Variants in ZNF423 observed in about 807,000 individuals in gnomAD.
ZNF423 encodes Ebf-associated zinc finger protein.
ZNF423 carries 12 observed loss-of-function variants against 95.8 expected under a neutral mutation model. The observed-to-expected ratio is 0.13, with a 90% CI of 0.08 to 0.20. The LOEUF (loss-of-function observed/expected upper bound fraction) is 0.20. Among genes scored for constraint, ZNF423 ranks in the 10% least tolerant of loss-of-function variants. ZNF423 has a pLI of 1.00. For synonymous variants in ZNF423, 749 were observed against 711.9 expected, an observed-to-expected ratio of 1.05 and a Z score of -0.83; for missense variants, 1,316 against 1,737.1, an observed-to-expected ratio of 0.76 and a Z score of 4.31.
chr16:49,669,341 GA>G (rs1050363822), intron 3 of ZNF423, among the ~76,000 whole-genome samples: 1 of 150,268 alleles, frequency 6.7e-6, no homozygotes, highest in Non-Finnish European at 1.5e-5. Context: ...AAAAAAAAAA[GA>G]AAAAGAAAAA....
chr16:49,538,960 C>G (rs1330706185), intron 5 of ZNF423, among the ~76,000 whole-genome samples: 1 of 152,216 alleles, frequency 6.6e-6, no homozygotes. Context: ...AATTCTTTCA[C>G]TTTTCTGGTA....
chr16:49,772,499 T>A (rs1233648604), intron 2 of ZNF423, among the ~76,000 whole-genome samples: 1 of 152,212 alleles, frequency 6.6e-6, no homozygotes, highest in Non-Finnish European at 1.5e-5. Context: ...GGTCCAAGCA[T>A]CCTTGGTGAA....
At chr16:49,846,129 C>T (rs1179715728) in intron 1 of ZNF423, among the ~76,000 whole-genome samples, 1 of 151,972 alleles carries the variant, frequency 6.6e-6, no homozygotes, top group Admixed American at 6.6e-5. Context: ...TGGTGAAACT[C>T]CATCTCTAAT....
intron 5 of ZNF423, among the ~76,000 whole-genome samples, chr16:49,581,616 TA>T (rs1490550515): frequency 6.6e-6 from 1 of 152,180 alleles, no homozygotes; most frequent in African/African-American, 2.4e-5. Context: ...AAATTGTAGT[TA>T]AAAATTTAGC....
At chr16:49,804,393 T>C (rs2034630012) in intron 1 of ZNF423, among the ~76,000 whole-genome samples, 2 of 152,262 alleles carry the variant, frequency 1.3e-5, no homozygotes, top group African/African-American at 4.8e-5. Flanking sequence ...AAAAGTAAAG[T>C]TCAGAAAAAA....
At chr16:49,858,814 T>A (rs2035400812), upstream of ZNF423, among the ~76,000 whole-genome samples, 1 of 150,012 alleles carries the variant, frequency 6.7e-6, no homozygotes, top group African/African-American at 2.5e-5. This position sits in a 1 kb window ranked among gnomAD's most constrained non-coding sequence, Gnocchi z 4.3. Flanking sequence ...GCGAGGCGCC[T>A]GGGAAGGAGC....
intron 3 of ZNF423, among the ~76,000 whole-genome samples, chr16:49,648,906 G>T (rs1973283878): frequency 6.6e-6 from 1 of 152,150 alleles, no homozygotes; most frequent in East Asian, 1.9e-4. Context: ...CTCAGCAAAA[G>T]ACAAAAGTAG....
intron 7 of ZNF423, among the ~76,000 whole-genome samples, chr16:49,520,701 C>T (rs1005075696): frequency 1.1e-4 from 16 of 152,338 alleles, no homozygotes; most frequent in Admixed American, 4.6e-4. Context: ...CACCCAAACC[C>T]CCAGCTCATT....
intron 5 of ZNF423, among the ~76,000 whole-genome samples, chr16:49,604,591 G>A (rs914363465): frequency 2.6e-5 from 4 of 152,112 alleles, no homozygotes; most frequent in Non-Finnish European, 5.9e-5. Flanking sequence ...ATCCATAAAA[G>A]GGGCATCCTG....
At chr16:49,644,099 G>A (rs1454101722) in intron 3 of ZNF423, among the ~76,000 whole-genome samples, 1 of 152,230 alleles carries the variant, frequency 6.6e-6, no homozygotes, top group African/African-American at 2.4e-5. Context: ...CAAGGTCAGA[G>A]ATGCTGGAGA....
Position 49,835,015 on chromosome 16 carries a change from G to T in ZNF423, c.40+20720C>A, listed in dbSNP as rs114262157. Reference sequence around the variant, plus strand: ...GGGGCCAGGGCTGAGCGGCAGAGGGGCTGCTGAGGCCTTGGGGGGAGTCTC... The same window carrying T: ...GGGGCCAGGGCTGAGCGGCAGAGGGTCTGCTGAGGCCTTGGGGGGAGTCTC... On this transcript the variant is annotated intron_variant, in intron 1 of 7. Coordinates refer to ENST00000563137, the MANE Select transcript of ZNF423 (RefSeq NM_001379286.1). 5.7e-3 allele frequency among the ~76,000 whole-genome samples: 865 copies of T among 152,152 alleles called. 7 individuals carry two copies. Among genetic ancestry groups the T allele is most frequent in the African/African-American group, 0.02 (835 of 41,478 alleles).
At chr16:49,822,595 A>T in intron 1 of ZNF423, 1 of 1,260,702 alleles carries the variant, frequency 7.9e-7, no homozygotes, top group Non-Finnish European at 1.1e-6. Context: ...CAAGAGAACT[A>T]AGCTCTAGTT....
At chr16:49,739,949 C>T (rs2143480989) in intron 2 of ZNF423, among the ~76,000 whole-genome samples, 1 of 152,124 alleles carries the variant, frequency 6.6e-6, no homozygotes, top group African/African-American at 2.4e-5. Flanking sequence ...ACCTCTGCCT[C>T]CCGGGTTCAA....
At chr16:49,697,924 C>T (rs2032033790) in intron 3 of ZNF423, among the ~76,000 whole-genome samples, 2 of 152,174 alleles carry the variant, frequency 1.3e-5, no homozygotes, top group South Asian at 2.1e-4. Flanking sequence ...GGAGGATACA[C>T]GGGGAGAGGC....
intron 3 of ZNF423, among the ~76,000 whole-genome samples, chr16:49,727,232 T>C (rs1222493501): frequency 2.0e-5 from 3 of 152,174 alleles, no homozygotes; most frequent in Non-Finnish European, 2.9e-5. Flanking sequence ...CAACAGCTCA[T>C]GGGCCCGGCA....
intron 1 of ZNF423, among the ~76,000 whole-genome samples, chr16:49,806,948 A>T (rs1597026951): frequency 6.7e-6 from 1 of 148,822 alleles, no homozygotes; most frequent in Admixed American, 6.8e-5. Context: ...AATCGCTTGA[A>T]CCCGGGAGGT....
At chr16:49,718,619 T>C (rs1451575760) in intron 3 of ZNF423, among the ~76,000 whole-genome samples, 1 of 152,200 alleles carries the variant, frequency 6.6e-6, no homozygotes, top group Non-Finnish European at 1.5e-5. Flanking sequence ...GGATGGCTTC[T>C]AAACCACAAA....
chr16:49,514,492 G>C (rs565439783), intron 7 of ZNF423, among the ~76,000 whole-genome samples: 2 of 152,136 alleles, frequency 1.3e-5, no homozygotes, highest in African/African-American at 4.8e-5. Flanking sequence ...ATGTTCTCAA[G>C]GGCTAGGAAG....
At chr16:49,794,494 G>A (rs11076499) in intron 1 of ZNF423, among the ~76,000 whole-genome samples, 82,918 of 151,964 alleles carry the variant, frequency 0.55, 22,671 homozygotes, top group Middle Eastern at 0.62. Context: ...TCAGCCATAC[G>A]GCCCCCCACA....
Sources: allele counts gnomAD v4.1 joint callset (sites outside exome capture counted in the v4.1 genomes callset), GRCh38; gene constraint gnomAD v4.1.1; non-coding constraint Gnocchi (gnomAD v3.1); transcripts MANE v1.5; gene names NCBI Gene and HGNC (gene_info 2026-07-23, HGNC 2026-07-21).